PTCHD4: variants seen among roughly 807,000 people sequenced by gnomAD.
The protein encoded by PTCHD4 is patched domain containing 4, also known as patched domain-containing protein 4.
In PTCHD4, 33 loss-of-function variants were observed where a neutral mutation model predicts 58.1. The ratio of observed to expected loss-of-function variants is 0.57; its 90% CI spans 0.43 to 0.76. The LOEUF (loss-of-function observed/expected upper bound fraction) is 0.76, where lower values mean the gene tolerates loss of function less well. PTCHD4 is among the 30% of genes least tolerant of loss of function. The pLI is 0.00. For missense variants in PTCHD4, 1,058 were observed against 1,027.1 expected (o/e 1.03, Z -0.41); for synonymous variants, 478 against 409.6 (o/e 1.17, Z -2.02).
chr6:47,935,972 C>T lies in PTCHD4; in HGVS notation c.899-56036G>A, dbSNP rs140161742. Among the ~76,000 whole-genome samples the T allele has an allele frequency of 4.6e-3, 701 of 152,126 alleles. 6 individuals are homozygous for T. The highest frequency in any genetic ancestry group is 0.016 in the African/African-American group (651 of 41,508). On this transcript the variant is annotated intron_variant, in intron 4 of 4. Transcript: ENST00000339488. The stretch of plus-strand genomic sequence containing the variant: ...GGTGATAAGGTGACATTTAAGCAGA[C>T]GAGAGAATGTCAGAGATACAATGGG...
intron 3 of PTCHD4, among the ~76,000 whole-genome samples, chr6:48,042,556 G>A (rs1435909708): frequency 6.6e-6 from 1 of 151,854 alleles, no homozygotes; most frequent in East Asian, 1.9e-4. Context: ...GAGGCTGAAA[G>A]GTGTGATAGA....
chr6:47,979,859 C>T (rs1472207935), intron 4 of PTCHD4, among the ~76,000 whole-genome samples: 1 of 152,014 alleles, frequency 6.6e-6, no homozygotes, highest in East Asian at 1.9e-4. Context: ...AAATTGACCA[C>T]TGCTCATTCA....
chr6:48,068,616 T>A lies in PTCHD4; in HGVS notation c.31A>T (p.Ile11Phe). The change falls in exon 3 of 5, where the codon ATC becomes TTC. Residue 11 changes from isoleucine (I) to phenylalanine (F), a missense_variant. By Grantham distance (21) the Ile-to-Phe change is conservative. Coordinates refer to ENST00000339488, the MANE Select transcript of PTCHD4 (RefSeq NM_001384253.1). The surrounding 1 kb of genome is among the most constrained non-coding windows in gnomAD (Gnocchi z 4.2). ...ACCTGCCGCAGCATCCTCCACCAGATCCAGCTCGCAGGCGCTCCCGGCCGT... is the reference window on the plus strand; with the variant it reads ...ACCTGCCGCAGCATCCTCCACCAGAACCAGCTCGCAGGCGCTCCCGGCCGT... MRRPGAPASWIWWRMLRQVLR... is the reference protein window; with the variant it reads MRRPGAPASWFWWRMLRQVLR... The A allele has an allele frequency of 1.3e-6, 2 of 1,569,648 alleles. No individual in the cohort carries two copies. Among genetic ancestry groups the A allele is most frequent in the African/African-American group, 1.3e-5 (1 of 74,082 alleles).
In PTCHD4 at chr6:48,068,644, TA is replaced by T. The variant is rs779085557; in HGVS notation, c.6-4del. 2 of 1,543,798 alleles carry T rather than the reference TA, an allele frequency of 1.3e-6. No individual in the cohort carries two copies. The highest frequency in any genetic ancestry group is 1.2e-5 in the South Asian group (1 of 84,510). On this transcript the variant is annotated splice_region_variant and splice_polypyrimidine_tract_variant and intron_variant, in intron 2 of 4. Coordinates refer to ENST00000339488, the MANE Select transcript of PTCHD4 (RefSeq NM_001384253.1). This position sits in a 1 kb window ranked among gnomAD's most constrained non-coding sequence, Gnocchi z 4.2. ...AGCTCGCAGGCGCTCCCGGCCGTCT[TA>T]AAAAGCACATGTGACATGTGTAAGC...
chr6:48,094,331 G>A (rs868733038), intron 1 of PTCHD4, among the ~76,000 whole-genome samples: 2 of 152,194 alleles, frequency 1.3e-5, no homozygotes, highest in African/African-American at 2.4e-5. Flanking sequence ...GAGTGGTAAC[G>A]ATGAGAAGAA....
intron 1 of PTCHD4, among the ~76,000 whole-genome samples, chr6:48,090,090 G>A (rs1238982988): frequency 6.6e-6 from 1 of 151,144 alleles, no homozygotes; most frequent in Non-Finnish European, 1.5e-5. Context: ...CATAATATCT[G>A]ATACAGTTAA....
chr6:47,938,422 G>A (rs1163908289), intron 4 of PTCHD4, among the ~76,000 whole-genome samples: 1 of 152,194 alleles, frequency 6.6e-6, no homozygotes, highest in Non-Finnish European at 1.5e-5. Context: ...GGATTAGATA[G>A]AAGCCAGGAA....
intron 4 of PTCHD4, among the ~76,000 whole-genome samples, chr6:47,934,039 A>G (rs1376474865): frequency 1.3e-5 from 2 of 152,314 alleles, no homozygotes; most frequent in East Asian, 3.9e-4. Flanking sequence ...CTATATATAT[A>G]ATGTACATGT....
intron 3 of PTCHD4, among the ~76,000 whole-genome samples, chr6:48,018,748 C>T (rs925644314): frequency 1.3e-5 from 2 of 152,154 alleles, no homozygotes; most frequent in African/African-American, 4.8e-5. Context: ...ATGAATGAGT[C>T]TTTCACAAAG....
At chr6:47,924,060 C>T (rs1765518475) in intron 4 of PTCHD4, among the ~76,000 whole-genome samples, 1 of 152,166 alleles carries the variant, frequency 6.6e-6, no homozygotes, top group African/African-American at 2.4e-5. Context: ...TTCTACCTGT[C>T]TGGGCTTTGC....
intron 4 of PTCHD4, among the ~76,000 whole-genome samples, chr6:47,937,682 A>G (rs1343490082): frequency 6.6e-6 from 1 of 152,168 alleles, no homozygotes; most frequent in Non-Finnish European, 1.5e-5. Context: ...ATTTAATGCC[A>G]GGGGACTGGA....
chr6:47,958,331 A>C (rs919949473), intron 4 of PTCHD4, among the ~76,000 whole-genome samples: 11 of 152,298 alleles, frequency 7.2e-5, no homozygotes, highest in African/African-American at 2.6e-4. Flanking sequence ...CAAGAACAAG[A>C]CCACAAGACA....
At chr6:47,961,964 C>T (rs1767114310) in intron 4 of PTCHD4, among the ~76,000 whole-genome samples, 1 of 151,868 alleles carries the variant, frequency 6.6e-6, no homozygotes, top group East Asian at 1.9e-4. Context: ...GCAGAAGCAT[C>T]ATGAAAACAA....
chr6:48,038,934 C>CAGAA (rs1486645658), intron 3 of PTCHD4, among the ~76,000 whole-genome samples: 1 of 152,170 alleles, frequency 6.6e-6, no homozygotes, highest in Non-Finnish European at 1.5e-5. Flanking sequence ...AAGATTCTTA[C>CAGAA]TTATTCTGTA....
chr6:47,983,993 T>A (rs1767977772), intron 4 of PTCHD4, among the ~76,000 whole-genome samples: 1 of 152,156 alleles, frequency 6.6e-6, no homozygotes, highest in South Asian at 2.1e-4. Flanking sequence ...TTAAATAAAC[T>A]GTATTAGAAA....
In PTCHD4 at chr6:48,068,511, G is replaced by C. The variant is rs765780501; in HGVS notation, c.136C>G (p.Pro46Ala). ...SRHPVFFLTV[P>A]AVLTITFGLS... ...CCGAAGGTGATTGTCAGGACTGCGG[G>C]CACGGTGAGGAAAAAGACCGGGTGC... Residue 46 changes from proline to alanine, a missense_variant, in exon 3 of 5, where the codon CCC (proline) becomes GCC (alanine). Physicochemically the swap from Pro to Ala is conservative, Grantham distance 27. Coordinates refer to ENST00000339488, the MANE Select transcript of PTCHD4 (RefSeq NM_001384253.1). This position sits in a 1 kb window ranked among gnomAD's most constrained non-coding sequence, Gnocchi z 4.2. The C allele has an allele frequency of 6.2e-7, 1 of 1,612,788 alleles. No homozygotes were observed. The highest frequency in any genetic ancestry group is 8.5e-7 in the Non-Finnish European group (1 of 1,179,782).
At chr6:48,050,707 C>T (rs1048306226) in intron 3 of PTCHD4, among the ~76,000 whole-genome samples, 9 of 151,998 alleles carry the variant, frequency 5.9e-5, no homozygotes, top group Non-Finnish European at 1.3e-4. Flanking sequence ...GGTGGAACTG[C>T]TCCCATAGAT....
intron 1 of PTCHD4, among the ~76,000 whole-genome samples, chr6:48,092,682 TGATAGGGCAGAAA>T (rs2113903880): frequency 6.6e-6 from 1 of 152,198 alleles, no homozygotes; most frequent in Non-Finnish European, 1.5e-5. Flanking sequence ...AGGTTTGCTG[TGATAGGGCAGAAA>T]GGGTCAGGAC....
At chr6:48,098,412 C>T (rs924642086) in intron 1 of PTCHD4, among the ~76,000 whole-genome samples, 38 of 150,780 alleles carry the variant, frequency 2.5e-4, no homozygotes, top group African/African-American at 8.1e-4. Flanking sequence ...GATCTCCGCT[C>T]GCTGCAACCT....
Sources: allele counts gnomAD v4.1 joint callset (sites outside exome capture counted in the v4.1 genomes callset), GRCh38; gene constraint gnomAD v4.1.1; non-coding constraint Gnocchi (gnomAD v3.1); transcripts MANE v1.5; gene names NCBI Gene and HGNC (gene_info 2026-07-23, HGNC 2026-07-21).